CSMD3: variants seen among roughly 807,000 people sequenced by gnomAD.
CSMD3 encodes the protein CUB and Sushi multiple domains 3.
In CSMD3, 177 loss-of-function variants were observed where a neutral mutation model predicts 435.2. The ratio of observed to expected loss-of-function variants is 0.41; its 90% CI spans 0.36 to 0.46. The LOEUF (loss-of-function observed/expected upper bound fraction) is 0.46, where lower values mean the gene tolerates loss of function less well. CSMD3 is among the 20% of genes least tolerant of loss of function. The pLI is 0.34. For synonymous variants in CSMD3, 1,656 were observed against 1,520.5 expected (o/e 1.09, Z -2.07); for missense variants, 4,265 against 4,504.6 (o/e 0.95, Z 1.52).
At position 112,991,501 on chromosome 8, in the gene CSMD3, C is replaced by A. The variant is rs554081542; in HGVS notation, c.1031-15353G>T. On this transcript the variant is annotated intron_variant, in intron 6 of 70. Coordinates refer to ENST00000297405, the MANE Select transcript of CSMD3 (RefSeq NM_198123.2). ...TTTTCTTTCAGAAAGATGGTTTATG[C>A]TATTAAATATCACCGAATCTGTGCA... Among the ~76,000 whole-genome samples, 26 of 151,840 alleles carry A rather than the reference C, an allele frequency of 1.7e-4. 1 individual carries two copies. The East Asian group carries it at 4.9e-3, about 28-fold the overall frequency.
At chr8:112,263,944 T>A in intron 60 of CSMD3, 132 bp from the exon 61 acceptor site, 4 of 824,354 alleles carry the variant, frequency 4.9e-6, no homozygotes, top group Non-Finnish European at 6.1e-6. Flanking sequence ...GTGACATATC[T>A]TATTCTCCTG....
chr8:113,284,065 A>G (rs2093629656), intron 2 of CSMD3, among the ~76,000 whole-genome samples: 1 of 152,126 alleles, frequency 6.6e-6, no homozygotes, highest in South Asian at 2.1e-4. Flanking sequence ...GAATGACACA[A>G]TGAACTTTGG....
intron 5 of CSMD3, among the ~76,000 whole-genome samples, chr8:113,082,429 T>TC (rs1222432838): frequency 1.3e-5 from 2 of 151,966 alleles, no homozygotes; most frequent in African/African-American, 4.8e-5. Flanking sequence ...CTGTGCCCAA[T>TC]CAGAACCAAA....
intron 7 of CSMD3, among the ~76,000 whole-genome samples, chr8:112,962,044 C>CTTAAT (rs1397567123): frequency 3.3e-5 from 5 of 151,866 alleles, no homozygotes; most frequent in Non-Finnish European, 7.4e-5. Context: ...ACTGTCTGCC[C>CTTAAT]TTAATTTAAT....
intron 61 of CSMD3, among the ~76,000 whole-genome samples, chr8:112,256,445 A>T (rs747415301): frequency 6.6e-6 from 1 of 152,172 alleles, no homozygotes; most frequent in Non-Finnish European, 1.5e-5. Context: ...ATACTTAGCC[A>T]TGATGAAGTC....
rs1015889453 is a variant in CSMD3, at chr8:112,450,588, C to T, written c.5395+22003G>A. 2.0e-5 allele frequency among the ~76,000 whole-genome samples: 3 copies of T among 152,240 alleles called. No homozygotes were observed. In the South Asian group the frequency reaches 6.2e-4, roughly 32 times the overall value. On this transcript the variant is annotated intron_variant, in intron 32 of 70. Transcript: ENST00000297405. ...CTACAGACCAGTACAAACCTTACAT[C>T]GGAAAACGCAGAGCTGAGGTGTGAC...
intron 14 of CSMD3, 60 bp from the exon 15 acceptor site, chr8:112,685,792 T>C (rs559878047): frequency 9.6e-7 from 1 of 1,046,982 alleles, no homozygotes. Flanking sequence ...TTTCATCTTA[T>C]TTTGTCATAT....
At chr8:112,367,768 T>C (rs570153427) in intron 38 of CSMD3, among the ~76,000 whole-genome samples, 7 of 152,288 alleles carry the variant, frequency 4.6e-5, no homozygotes, top group East Asian at 1.9e-4. Context: ...TCAAAACTTT[T>C]GTTACTCTAA....
chr8:112,341,889 AC>A (rs1825149407), intron 41 of CSMD3, among the ~76,000 whole-genome samples: 1 of 152,152 alleles, frequency 6.6e-6, no homozygotes, highest in African/African-American at 2.4e-5. Context: ...TACTGCTCTC[AC>A]ATGTCCATTA....
intron 32 of CSMD3, among the ~76,000 whole-genome samples, chr8:112,417,113 A>C (rs1811998483): frequency 6.6e-6 from 1 of 152,190 alleles, no homozygotes; most frequent in Non-Finnish European, 1.5e-5. Flanking sequence ...GAATGGATGA[A>C]GCAACCTAAA....
chr8:112,237,489 C>T, intron 66 of CSMD3, 141 bp from the exon 67 acceptor site: 1 of 688,140 alleles, frequency 1.5e-6, no homozygotes, highest in Non-Finnish European at 2.5e-6. Context: ...ATTAATTCTT[C>T]ATATAAAAAT....
intron 59 of CSMD3, among the ~76,000 whole-genome samples, chr8:112,279,004 AC>A (rs750088378): frequency 2.0e-4 from 28 of 141,236 alleles, no homozygotes; most frequent in Non-Finnish European, 4.0e-4. Flanking sequence ...CTGTAACTCC[AC>A]CCCCAAAAAA....
intron 31 of CSMD3, among the ~76,000 whole-genome samples, chr8:112,486,156 A>T (rs1200160894): frequency 6.6e-6 from 1 of 150,678 alleles, no homozygotes; most frequent in Non-Finnish European, 1.5e-5. Flanking sequence ...CTTAATTCTC[A>T]TACTTAGCCT....
intron 65 of CSMD3, among the ~76,000 whole-genome samples, chr8:112,242,230 T>C (rs1208060603): frequency 2.0e-5 from 3 of 152,098 alleles, no homozygotes; most frequent in Non-Finnish European, 2.9e-5. Context: ...AGAAATTGGA[T>C]AGACTTAAAG....
chr8:112,666,356 C>T lies in CSMD3; in HGVS notation c.2737G>A (p.Gly913Arg), dbSNP rs2131707690. ...CAATTCAAAGAGTCTTTGTAGTATC[C>T]TGGCCATCCTGGTGAGAGAATCACT... ...SGVILSPGWP[G>R]YYKDSLNCEW... is the part of the protein sequence containing the mutation. Residue 913 changes from glycine (G) to arginine (R), a missense_variant, in exon 17 of 71, where the codon GGA becomes AGA. Around this residue, in one of 3 missense-constraint regions of CSMD3, gnomAD observed 279 missense variants for 369.0 expected, o/e 0.76. Transcript: ENST00000297405. 1 of 1,612,526 alleles carries T rather than the reference C, an allele frequency of 6.2e-7. No individual in the cohort carries two copies. The highest frequency in any genetic ancestry group is 8.5e-7 in the Non-Finnish European group (1 of 1,179,154).
intron 22 of CSMD3, among the ~76,000 whole-genome samples, chr8:112,588,825 CCA>C (rs1830944612): frequency 6.6e-6 from 1 of 152,028 alleles, no homozygotes; most frequent in Non-Finnish European, 1.5e-5. Flanking sequence ...AAACTTTCAT[CCA>C]TATAGTGCAA....
Position 113,257,965 on chromosome 8 carries a change from A to G in CSMD3, c.514+20627T>C, listed in dbSNP as rs1318474137. 2.0e-5 allele frequency among the ~76,000 whole-genome samples: 3 copies of G among 152,338 alleles called. No homozygotes were observed. In the East Asian group the frequency reaches 5.8e-4, roughly 29 times the overall value. ...TACTTGATTTCAAGGTACTAAGATGAAAACTCTGAATGCAGCTGGAAAAAA... is the reference window on the plus strand; with the variant it reads ...TACTTGATTTCAAGGTACTAAGATGGAAACTCTGAATGCAGCTGGAAAAAA... On this transcript the variant is annotated intron_variant, in intron 3 of 70. Coordinates refer to ENST00000297405, the MANE Select transcript of CSMD3 (RefSeq NM_198123.2).
chr8:112,421,654 A>C (rs1812521213), intron 32 of CSMD3, among the ~76,000 whole-genome samples: 1 of 147,780 alleles, frequency 6.8e-6, no homozygotes, highest in Non-Finnish European at 1.5e-5. Context: ...ATATGTATAT[A>C]TGTAATATGT....
intron 5 of CSMD3, among the ~76,000 whole-genome samples, chr8:113,035,835 C>A (rs2087324621): frequency 6.6e-6 from 1 of 151,886 alleles, no homozygotes; most frequent in Non-Finnish European, 1.5e-5. Flanking sequence ...AGGAAATAAA[C>A]CTCAACTATT....
Sources: gnomAD v4.1 joint callset for allele counts (sites outside exome capture counted in the v4.1 genomes callset) on GRCh38, gnomAD v4.1.1 for gene constraint, gnomAD v4.1.1 regional missense constraint, MANE v1.5 for transcripts, NCBI Gene and HGNC (gene_info 2026-07-23, HGNC 2026-07-21) for gene names.